The following DDX27 variants were observed in gnomAD, a reference collection of about 807,000 sequenced individuals.
DDX27 encodes the protein DEAD-box helicase 27.
A neutral mutation model predicts 99.3 loss-of-function variants in DDX27; 42 were observed. The observed-to-expected ratio is 0.42, with a 90% CI of 0.33 to 0.55. The LOEUF (loss-of-function observed/expected upper bound fraction) is 0.55. Ranked by LOEUF, DDX27 falls within the 20% of genes least tolerant of loss-of-function variation. The pLI is 0.07. For synonymous variants in DDX27, 329 were observed against 353.8 expected (o/e 0.93, Z 0.79); for missense variants, 798 against 976.8 (o/e 0.82, Z 2.44).
intron 4 of DDX27, chr20:49,224,646 A>G (rs1979812063): frequency 6.8e-6 from 2 of 294,796 alleles, no homozygotes; most frequent in Admixed American, 4.8e-5. Context: ...TTTAGGCGGG[A>G]GCCACTGCTT....
Position 49,236,142 on chromosome 20 carries a change from G to T in DDX27, c.1428-8G>T. ...TCTGGATGAACAGCTGTTTGTGACT[G>T]TTTCTAGGCGTTTTAAGGATGAACA... On this transcript the variant is annotated splice_polypyrimidine_tract_variant and splice_region_variant and intron_variant, in intron 12 of 20. Transcript: ENST00000618172. The surrounding 1 kb of genome is among the most constrained non-coding windows in gnomAD (Gnocchi z 4.1). 1.2e-6 allele frequency: 2 copies of T among 1,606,484 alleles called. No homozygotes were observed. The highest frequency in any genetic ancestry group is 1.7e-6 in the Non-Finnish European group (2 of 1,176,668).
intron 16 of DDX27, among the ~76,000 whole-genome samples, chr20:49,240,875 C>G (rs1348308313): frequency 2.0e-5 from 3 of 152,080 alleles, no homozygotes; most frequent in Non-Finnish European, 2.9e-5. Flanking sequence ...ATTAGCCAGA[C>G]ATGGTGGTGC....
At chr20:49,222,412 C>A (rs376343416) in intron 2 of DDX27, among the ~76,000 whole-genome samples, 1 of 152,118 alleles carries the variant, frequency 6.6e-6, no homozygotes, top group Non-Finnish European at 1.5e-5. Flanking sequence ...TGGGTTCAAG[C>A]GATTCTCCTG....
chr20:49,223,160 T>G, intron 3 of DDX27, 108 bp from the exon 4 acceptor site: 1 of 1,390,032 alleles, frequency 7.2e-7, no homozygotes, highest in Non-Finnish European at 9.9e-7. Context: ...GAATCTGTAC[T>G]GAGAATCCCC....
intron 6 of DDX27, among the ~76,000 whole-genome samples, chr20:49,226,203 C>T (rs1023937176): frequency 1.3e-5 from 2 of 152,156 alleles, no homozygotes; most frequent in African/African-American, 2.4e-5. Flanking sequence ...CTGTTTCTAC[C>T]AGACTGTAAG....
At chr20:49,235,299 C>T in intron 12 of DDX27, 1 of 473,640 alleles carries the variant, frequency 2.1e-6, no homozygotes, top group Admixed American at 4.1e-5. Context: ...CCCTCATGTC[C>T]TTGGATGCTT....
chr20:49,225,118 A>G lies in DDX27; in HGVS notation c.519A>G (p.Ala173=), dbSNP rs748416283. ...RKKKKKKGQE[A]GGFFEDASQY... is the part of the protein sequence containing the mutation. ...CTTTTGGTTTTCTGGTGTAGGAAGCAGGAGGATTTTTTGAAGATGCATCTC... is the reference window on the plus strand; with the variant it reads ...CTTTTGGTTTTCTGGTGTAGGAAGCGGGAGGATTTTTTGAAGATGCATCTC... Residue 173 remains alanine, a synonymous_variant, in exon 6 of 21, where the codon GCA becomes GCG. Coordinates refer to ENST00000618172, the MANE Select transcript of DDX27 (RefSeq NM_017895.8). The G allele has an allele frequency of 6.2e-7, 1 of 1,613,892 alleles. No homozygotes were observed. Among genetic ancestry groups the G allele is most frequent in the African/African-American group, 1.3e-5 (1 of 74,922 alleles).
At chr20:49,227,337 T>C (rs1213144064) in intron 7 of DDX27, among the ~76,000 whole-genome samples, 1 of 152,160 alleles carries the variant, frequency 6.6e-6, no homozygotes, top group Non-Finnish European at 1.5e-5. Flanking sequence ...CAGTGTTTCC[T>C]AGACTGCAGA....
chr20:49,238,857 A>C (rs1195666454), intron 14 of DDX27, 92 bp from the exon 15 acceptor site: 4 of 797,764 alleles, frequency 5.0e-6, no homozygotes, highest in Non-Finnish European at 7.8e-6. Context: ...CAATCCTCCC[A>C]CCTCAATCTC....
Position 49,235,108 on chromosome 20 carries a change from C to G in DDX27, c.1427+20C>G. The G allele has an allele frequency of 6.3e-7, 1 of 1,575,320 alleles. No homozygotes were observed. Among genetic ancestry groups the G allele is most frequent in the African/African-American group, 1.4e-5 (1 of 73,878 alleles). On this transcript the variant is annotated intron_variant, in intron 12 of 20. Transcript: ENST00000618172. ...CCTCCGGTAACATTTGGGGTGGGGA[C>G]TGAGGCTCCCACCATCCTTCTGGGG...
chr20:49,234,648 G>A (rs1469960939), intron 11 of DDX27: 15 of 282,858 alleles, frequency 5.3e-5, no homozygotes, highest in Non-Finnish European at 9.2e-5. Flanking sequence ...TCTTCCCCTG[G>A]ATCTTCCCAT....
intron 8 of DDX27, 31 bp downstream of exon 8, chr20:49,228,919 TGA>T: frequency 6.5e-7 from 1 of 1,549,720 alleles, no homozygotes. Flanking sequence ...TGCCAGCCCC[TGA>T]GAGACTGTGG....
chr20:49,240,722 C>T (rs1347300373), intron 16 of DDX27, among the ~76,000 whole-genome samples: 2 of 152,058 alleles, frequency 1.3e-5, no homozygotes, highest in Admixed American at 6.6e-5. Context: ...CCACTGCACT[C>T]GGCCCCCTTT....
rs1980295731 is a variant in DDX27 at position 49,236,064 on chromosome 20, T to C, written c.1428-86T>C. 3.8e-6 allele frequency: 5 copies of C among 1,319,194 alleles called. No individual in the cohort carries two copies. Among genetic ancestry groups the C allele is most frequent in the Non-Finnish European group, 4.2e-6 (4 of 949,938 alleles). 81.7% of individuals were successfully genotyped at this position (1,319,194 alleles called of 1,614,324 possible). A position where few individuals can be genotyped will look rare whatever the true frequency, so the allele number is the denominator to read the frequency against. Reference sequence around the variant, plus strand: ...AGCCTCTATCCCCATTTTAATGCCCTGTTCTGTCCTCTGCTGGCTCAGGCT... The same window carrying C: ...AGCCTCTATCCCCATTTTAATGCCCCGTTCTGTCCTCTGCTGGCTCAGGCT... On this transcript the variant is annotated intron_variant, in intron 12 of 20. Transcript: ENST00000618172. The surrounding 1 kb of genome is among the most constrained non-coding windows in gnomAD (Gnocchi z 4.1).
In DDX27 at chr20:49,223,377, A is replaced by G; in HGVS notation, c.410A>G (p.Asp137Gly). 1 of 1,614,034 alleles carries G rather than the reference A, an allele frequency of 6.2e-7. No homozygotes were observed. ...LQENDEEGSEDEASETDYSSA... is the reference protein window; with the variant it reads ...LQENDEEGSEGEASETDYSSA... Reference sequence around the variant, plus strand: ...GAGAATGATGAGGAAGGCTCAGAAGATGAAGCCTCGGAGACTGACTACTCA... The same window carrying G: ...GAGAATGATGAGGAAGGCTCAGAAGGTGAAGCCTCGGAGACTGACTACTCA... Residue 137 changes from aspartate to glycine, a missense_variant, in exon 4 of 21, where the codon GAT becomes GGT. Transcript: ENST00000618172.
rs1980214038 is a variant in DDX27 at position 49,233,870 on chromosome 20, C to T, written c.1273+161C>T. The T allele has an allele frequency of 4.0e-6, 3 of 743,590 alleles. No individual in the cohort carries two copies. The East Asian group carries it at 8.1e-5, about 20-fold the overall frequency. 46.1% of individuals were successfully genotyped at this position (743,590 alleles called of 1,614,324 possible). A position where few individuals can be genotyped will look rare whatever the true frequency, so the allele number is the denominator to read the frequency against. ...ATGATGATCCGCTGCCTCTCTTCTC[C>T]ACGGGTCCTTCCTCCCTTTGCTTTA... On this transcript the variant is annotated intron_variant, in intron 11 of 20. Transcript: ENST00000618172.
chr20:49,230,135 G>A (rs915565593), intron 8 of DDX27, 64 bp from the exon 9 acceptor site: 16 of 1,526,770 alleles, frequency 1.0e-5, no homozygotes, highest in South Asian at 5.0e-5. Flanking sequence ...TGAGTGGCTG[G>A]TGCTCAGTCA....
chr20:49,239,482 A>G lies in DDX27; in HGVS notation c.1897+144A>G, dbSNP rs1042890131. On this transcript the variant is annotated intron_variant, in intron 16 of 20. Coordinates refer to ENST00000618172, the MANE Select transcript of DDX27 (RefSeq NM_017895.8). ...CAGTATCGTGGAAGACAATGTTTCC[A>G]CATTTGGGGTGTGGGGGTTGCATTA... is the stretch of plus-strand genomic sequence containing the variant. The G allele has an allele frequency of 1.7e-5, 11 of 651,502 alleles. No individual in the cohort carries two copies. In the African/African-American group the frequency reaches 1.8e-4, roughly 11 times the overall value. The allele number at this position is 651,502 out of a possible 1,614,324, so 40.4% of individuals were successfully genotyped here.
intron 8 of DDX27, 105 bp downstream of exon 8, chr20:49,228,993 C>A (rs1980001524): frequency 1.4e-5 from 14 of 1,012,058 alleles, no homozygotes; most frequent in East Asian, 3.1e-5. Context: ...CCAGGAGAGG[C>A]CTTTGTGTTG....
Sources: gnomAD v4.1 joint callset for allele counts (sites outside exome capture counted in the v4.1 genomes callset) on GRCh38, gnomAD v4.1.1 for gene constraint, Gnocchi (gnomAD v3.1) non-coding constraint, MANE v1.5 for transcripts, NCBI Gene and HGNC (gene_info 2026-07-23, HGNC 2026-07-21) for gene names.